The following CFAP52 variants were observed in gnomAD, a reference collection of about 807,000 sequenced individuals.
The protein encoded by CFAP52 is cilia- and flagella-associated protein 52.
In CFAP52, 57 loss-of-function variants were observed where a neutral mutation model predicts 70.5. The observed-to-expected ratio is 0.81, with a 90% CI of 0.65 to 1.01. The LOEUF is 1.01. Ranked by LOEUF, CFAP52 falls within the 50% of genes least tolerant of loss-of-function variation. CFAP52 has a pLI of 0.00. For missense variants in CFAP52, 785 were observed against 788.5 expected, an observed-to-expected ratio of 1.00 and a Z score of 0.05; for synonymous variants, 267 against 292.5, an observed-to-expected ratio of 0.91 and a Z score of 0.89.
Position 9,631,072 on chromosome 17 carries a change from AAGAAAGAAAG to A in CFAP52, c.1175-1804_1175-1795del, listed in dbSNP as rs1160815934. On this transcript the variant is annotated intron_variant, in intron 9 of 13. Coordinates refer to ENST00000352665, the MANE Select transcript of CFAP52 (RefSeq NM_145054.5). The stretch of plus-strand genomic sequence containing the variant: ...AGAGAGAGAAAGAAAGAAAGAAAGA[AAGAAAGAAAG>A]AGAAAGAAAGAAAGAGAAAGAAAGA... Among the ~76,000 whole-genome samples, 36 of 120,136 alleles carry A rather than the reference AAGAAAGAAAG, an allele frequency of 3.0e-4. No homozygotes were observed. In the East Asian group the frequency reaches 3.7e-3, roughly 12 times the overall value. The allele number at this position is 120,136 out of a possible 152,430, so 78.8% of individuals were successfully genotyped here. A position where few individuals can be genotyped will look rare whatever the true frequency, so the allele number is the denominator to read the frequency against.
intron 9 of CFAP52, among the ~76,000 whole-genome samples, chr17:9,631,199 C>T (rs1317031645): frequency 6.6e-6 from 1 of 151,898 alleles, no homozygotes; most frequent in Non-Finnish European, 1.5e-5. Flanking sequence ...TACAAGGCTC[C>T]ATGTGAATTT....
chr17:9,625,070 C>T (rs560655345), intron 8 of CFAP52, among the ~76,000 whole-genome samples: 50 of 152,186 alleles, frequency 3.3e-4, no homozygotes, highest in Middle Eastern at 6.8e-3. Context: ...AGCTTCCTGC[C>T]ATCCAAGCTG....
rs574780604 is a variant in CFAP52 at position 9,586,000 on chromosome 17, C to T, written c.270+28C>T. 1.1e-4 allele frequency: 182 copies of T among 1,610,362 alleles called. 2 individuals are homozygous for T. In the South Asian group the frequency reaches 2.0e-3, roughly 17 times the overall value. ...GAATACAGTGAAAACGACTCATTGTCAATTTATCTAGAGGTGCCTCCCTAG... is the reference window on the plus strand; with the variant it reads ...GAATACAGTGAAAACGACTCATTGTTAATTTATCTAGAGGTGCCTCCCTAG... On this transcript the variant is annotated intron_variant, in intron 2 of 13. Transcript: ENST00000352665.
intron 1 of CFAP52, among the ~76,000 whole-genome samples, chr17:9,580,440 C>A (rs546877900): frequency 1.3e-5 from 2 of 152,030 alleles, no homozygotes; most frequent in Admixed American, 1.3e-4. Context: ...GTAATCCCAG[C>A]ACTTTGGGAG....
At chr17:9,595,357 T>C (rs1412368106) in intron 4 of CFAP52, among the ~76,000 whole-genome samples, 3 of 152,180 alleles carry the variant, frequency 2.0e-5, no homozygotes. Context: ...TGTCCCCGCT[T>C]TATGATATGC....
chr17:9,606,004 A>G (rs1367150256), intron 6 of CFAP52, among the ~76,000 whole-genome samples: 1 of 152,098 alleles, frequency 6.6e-6, no homozygotes, highest in Non-Finnish European at 1.5e-5. Context: ...TGGGGGAAAG[A>G]AGTATTGGGG....
At chr17:9,586,627 A>G (rs1323235628) in intron 2 of CFAP52, 71 bp from the exon 3 acceptor site, 17 of 1,482,354 alleles carry the variant, frequency 1.1e-5, no homozygotes, top group Non-Finnish European at 1.5e-5. Flanking sequence ...GTTTTTCACC[A>G]AGAAGGGTAG....
At chr17:9,605,366 C>T (rs1164207410) in intron 6 of CFAP52, among the ~76,000 whole-genome samples, 1 of 152,104 alleles carries the variant, frequency 6.6e-6, no homozygotes, top group Non-Finnish European at 1.5e-5. Context: ...AGACTGCACA[C>T]CATTTGATTC....
In CFAP52 at chr17:9,576,642, A is replaced by C; in HGVS notation, c.-54A>C. On this transcript the variant is annotated 5_prime_UTR_variant, in exon 1 of 14. Coordinates refer to ENST00000352665, the MANE Select transcript of CFAP52 (RefSeq NM_145054.5). ...GCGCTCGTCCGTTACCATAACGACC[A>C]GAAGACGCTGCAGCCACTAGGGAGG... 1 of 1,526,422 alleles carries C rather than the reference A, an allele frequency of 6.6e-7. No homozygotes were observed. The highest frequency in any genetic ancestry group is 8.9e-7 in the Non-Finnish European group (1 of 1,121,178). 94.6% of individuals were successfully genotyped at this position (1,526,422 alleles called of 1,614,324 possible).
intron 1 of CFAP52, among the ~76,000 whole-genome samples, chr17:9,577,051 G>A (rs1008962855): frequency 6.6e-6 from 1 of 152,196 alleles, no homozygotes; most frequent in Non-Finnish European, 1.5e-5. Context: ...CGGGCCGGAT[G>A]AGTACGGGTG....
At position 9,584,392 on chromosome 17, in the gene CFAP52, C is replaced by T. The variant is rs555330777; in HGVS notation, c.71-1381C>T. ...ACCTGGTGGGCACTCAGAACTGAAA[C>T]CGAAAGTTAAAAAAATTATTTTCCT... is the stretch of plus-strand genomic sequence containing the variant. On this transcript the variant is annotated intron_variant, in intron 1 of 13. Transcript: ENST00000352665. The T allele has an allele frequency of 1.6e-4, 199 of 1,263,052 alleles. 7 individuals are homozygous for T. The South Asian group carries it at 2.5e-3, about 16-fold the overall frequency. The allele number at this position is 1,263,052 out of a possible 1,614,324, so 78.2% of individuals were successfully genotyped here.
At chr17:9,586,499 T>C (rs550925658) in intron 2 of CFAP52, among the ~76,000 whole-genome samples, 199 bp from the exon 3 acceptor site, 1 of 148,296 alleles carries the variant, frequency 6.7e-6, no homozygotes, top group South Asian at 2.1e-4. Context: ...AGGAGGTGGA[T>C]GTTGCAGTGA....
chr17:9,638,566 G>T (rs1338623365), intron 11 of CFAP52, 43 bp from the exon 12 acceptor site: 1 of 1,586,566 alleles, frequency 6.3e-7, no homozygotes, highest in East Asian at 2.2e-5. Context: ...ATTTCCTAGG[G>T]AAGAGAAAGT....
chr17:9,626,873 T>A (rs1050630577), intron 8 of CFAP52, among the ~76,000 whole-genome samples: 4 of 152,118 alleles, frequency 2.6e-5, no homozygotes, highest in Admixed American at 6.6e-5. Context: ...CTAAAGTGAG[T>A]AGGTCTTAAG....
chr17:9,585,417 C>A (rs1020895128), intron 1 of CFAP52, among the ~76,000 whole-genome samples: 1 of 152,094 alleles, frequency 6.6e-6, no homozygotes, highest in Non-Finnish European at 1.5e-5. Flanking sequence ...ACCTGTAATC[C>A]CAGCACTTTG....
intron 1 of CFAP52, among the ~76,000 whole-genome samples, chr17:9,584,713 G>T (rs531489664): frequency 2.1e-4 from 32 of 149,684 alleles, no homozygotes; most frequent in African/African-American, 6.9e-4. Context: ...CCTCCGCCTC[G>T]TGGGTTCCAG....
chr17:9,608,612 C>G (rs1396630580), intron 7 of CFAP52, among the ~76,000 whole-genome samples: 1 of 152,126 alleles, frequency 6.6e-6, no homozygotes, highest in Non-Finnish European at 1.5e-5. Context: ...CTATTATGTG[C>G]AAAGCATTGT....
chr17:9,641,752 C>A lies in CFAP52; in HGVS notation c.1604C>A (p.Thr535Lys). The change falls in exon 13 of 14, where the codon ACA becomes AAA. Residue 535 changes from threonine to lysine, a missense_variant. Physicochemically the swap from Thr to Lys is moderately conservative, Grantham distance 78 (BLOSUM62 -1). Transcript: ENST00000352665. ...KIAYWEVFDG[T>K]VIRELEGSLS... ...GCTTACTGGGAAGTATTTGATGGGA[C>A]AGTAATCAGAGAATTGGAAGGTTCC... The A allele has an allele frequency of 3.1e-6, 5 of 1,613,736 alleles. No individual in the cohort carries two copies. In the South Asian group the frequency reaches 5.5e-5, roughly 18 times the overall value.
In CFAP52 at chr17:9,642,936, T is replaced by C. The variant is rs1050542036; in HGVS notation, c.1688-87T>C. The stretch of plus-strand genomic sequence containing the variant: ...TATAAAGACAGATACATGGGGACCA[T>C]GTTGAAAATGATCCAGTTATTTGAA... On this transcript the variant is annotated intron_variant, in intron 13 of 13. Transcript: ENST00000352665. The C allele has an allele frequency of 7.7e-5, 87 of 1,135,298 alleles. No individual in the cohort carries two copies. In the South Asian group the frequency reaches 1.1e-3, roughly 14 times the overall value. 70.3% of individuals were successfully genotyped at this position (1,135,298 alleles called of 1,614,324 possible). A position where few individuals can be genotyped will look rare whatever the true frequency, so the allele number is the denominator to read the frequency against.
Sources: gnomAD v4.1 joint callset for allele counts (sites outside exome capture counted in the v4.1 genomes callset) on GRCh38, gnomAD v4.1.1 for gene constraint, MANE v1.5 for transcripts, NCBI Gene and HGNC (gene_info 2026-07-23, HGNC 2026-07-21) for gene names.